Variants in LSAMP observed in about 807,000 individuals in gnomAD.
LSAMP encodes the protein limbic system associated membrane protein.
LSAMP carries 7 observed loss-of-function variants against 38.6 expected under a neutral mutation model. That is an observed-to-expected ratio of 0.18 (90% CI 0.10 to 0.34). The LOEUF is 0.34. Among genes scored for constraint, LSAMP ranks in the 10% least tolerant of loss-of-function variants. The probability of loss-of-function intolerance (pLI) is 1.00; values close to 1 mark genes in which losing one functional copy is unlikely to be tolerated. For missense variants in LSAMP, 313 were observed against 420.0 expected (o/e 0.75, Z 2.23); for synonymous variants, 154 against 166.8 (o/e 0.92, Z 0.59).
At chr3:116,000,287 A>G (rs1029804307) in intron 3 of LSAMP, among the ~76,000 whole-genome samples, 1 of 152,144 alleles carries the variant, frequency 6.6e-6, no homozygotes, top group Non-Finnish European at 1.5e-5. Context: ...AATCATCACA[A>G]CAACCTGACG....
rs1467152356 is a variant in LSAMP, at chr3:115,818,790, T to TTATATACATATATATATATA, written c.920-8377_920-8376insTATATATATATATGTATATA. Among the ~76,000 whole-genome samples the TTATATACATATATATATATA allele has an allele frequency of 2.0e-3, 140 of 69,774 alleles. 3 individuals are homozygous for TTATATACATATATATATATA. Among genetic ancestry groups the TTATATACATATATATATATA allele is most frequent in the African/African-American group, 6.0e-3 (137 of 22,892 alleles). The allele number at this position is 69,774 out of a possible 152,430, so 45.8% of individuals were successfully genotyped here. A position where few individuals can be genotyped will look rare whatever the true frequency, so the allele number is the denominator to read the frequency against. On this transcript the variant is annotated intron_variant, in intron 6 of 6. Coordinates refer to ENST00000490035, the MANE Select transcript of LSAMP (RefSeq NM_002338.5). ...ATAAGAAAGAAGGAAAGTTGTACTT[T>TTATATACATATATATATATA]TATATATATATATATATATATATAT...
intron 1 of LSAMP, among the ~76,000 whole-genome samples, chr3:116,307,820 T>A (rs968162708): frequency 6.6e-6 from 1 of 152,040 alleles, no homozygotes; most frequent in Non-Finnish European, 1.5e-5. Flanking sequence ...TACAGCATTA[T>A]AACCACTATG....
rs1366969871 is a variant in LSAMP, at chr3:116,138,141, G to A, written c.156-51585C>T. ...AGTTCTCAACTAATGAACAAGGACT[G>A]CACTTTGAACATCAAAGTTGTAAAG... On this transcript the variant is annotated intron_variant, in intron 1 of 6. Transcript: ENST00000490035. 2.0e-5 allele frequency among the ~76,000 whole-genome samples: 3 copies of A among 152,092 alleles called. No homozygotes were observed. The East Asian group carries it at 5.8e-4, about 29-fold the overall frequency.
At chr3:116,168,302 T>C (rs1710110565) in intron 1 of LSAMP, among the ~76,000 whole-genome samples, 1 of 152,134 alleles carries the variant, frequency 6.6e-6, no homozygotes. Flanking sequence ...CTCTGTGCCA[T>C]GGTGGGAGGC....
rs981159753 is a variant in LSAMP at position 115,802,705 on chromosome 3, A to G, written c.*7612T>C. The G allele has an allele frequency of 6.6e-6, 1 of 151,824 alleles. No individual in the cohort carries two copies. Among genetic ancestry groups the G allele is most frequent in the East Asian group, 1.9e-4 (1 of 5,190 alleles). 9.4% of individuals were successfully genotyped at this position (151,824 alleles called of 1,614,324 possible). A position where few individuals can be genotyped will look rare whatever the true frequency, so the allele number is the denominator to read the frequency against. On this transcript the variant is annotated 3_prime_UTR_variant, in exon 7 of 7. Transcript: ENST00000490035. ...TCAGTTCATGTCTACAGGGCTGAAA[A>G]AAGGAATATATTTATATATATATTT...
intron 3 of LSAMP, among the ~76,000 whole-genome samples, chr3:116,007,523 C>T (rs551753376): frequency 3.4e-4 from 52 of 152,210 alleles, no homozygotes; most frequent in Admixed American, 1.2e-3. Context: ...ATGTTAGACT[C>T]AAACATCATT....
intron 1 of LSAMP, among the ~76,000 whole-genome samples, chr3:116,380,936 G>A (rs2048550621): frequency 6.6e-6 from 1 of 151,978 alleles, no homozygotes; most frequent in African/African-American, 2.4e-5. Context: ...AAAATTAGAA[G>A]CTAAATCAAA....
intron 3 of LSAMP, among the ~76,000 whole-genome samples, chr3:115,926,965 C>A (rs1937510507): frequency 6.6e-6 from 1 of 152,146 alleles, no homozygotes; most frequent in African/African-American, 2.4e-5. Flanking sequence ...TTGTCTTATT[C>A]TTCGCTGCAT....
intron 3 of LSAMP, among the ~76,000 whole-genome samples, chr3:115,879,828 T>C (rs1429435386): frequency 6.6e-6 from 1 of 152,152 alleles, no homozygotes; most frequent in East Asian, 1.9e-4. Flanking sequence ...ACTACAAATA[T>C]AGCCTTCCTT....
chr3:116,352,225 G>A (rs1399189684), intron 1 of LSAMP, among the ~76,000 whole-genome samples: 1 of 152,016 alleles, frequency 6.6e-6, no homozygotes, highest in Non-Finnish European at 1.5e-5. Context: ...ATCACTCCAC[G>A]AATACCTGAT....
intron 3 of LSAMP, 131 bp downstream of exon 3, chr3:116,019,384 T>A (rs1940575317): frequency 8.8e-7 from 1 of 1,136,976 alleles, no homozygotes; most frequent in African/African-American, 1.6e-5. Flanking sequence ...GATAGATGCA[T>A]GACCTTCTGA....
chr3:116,313,567 C>T (rs1470157679), intron 1 of LSAMP, among the ~76,000 whole-genome samples: 1 of 152,212 alleles, frequency 6.6e-6, no homozygotes, highest in South Asian at 2.1e-4. Flanking sequence ...GACTGAGACA[C>T]GAAGTCATGT....
intron 3 of LSAMP, among the ~76,000 whole-genome samples, chr3:115,944,881 T>G (rs1938045230): frequency 6.6e-6 from 1 of 152,190 alleles, no homozygotes; most frequent in Non-Finnish European, 1.5e-5. Context: ...CACTGTGCAT[T>G]TGCTCAGTTT....
chr3:115,963,746 T>C (rs916557541), intron 3 of LSAMP, among the ~76,000 whole-genome samples: 1 of 152,204 alleles, frequency 6.6e-6, no homozygotes, highest in Admixed American at 6.5e-5. Flanking sequence ...ATCCATTCTT[T>C]AATGTTGGTT....
rs532180748 is a variant in LSAMP, at chr3:115,806,593, C to T, written c.*3724G>A. 5 of 152,072 alleles carry T rather than the reference C, an allele frequency of 3.3e-5. No homozygotes were observed. Among genetic ancestry groups the T allele is most frequent in the South Asian group, 4.1e-4 (2 of 4,824 alleles). 9.4% of individuals were successfully genotyped at this position (152,072 alleles called of 1,614,324 possible). A position where few individuals can be genotyped will look rare whatever the true frequency, so the allele number is the denominator to read the frequency against. On this transcript the variant is annotated 3_prime_UTR_variant, in exon 7 of 7. Coordinates refer to ENST00000490035, the MANE Select transcript of LSAMP (RefSeq NM_002338.5). ...AGATTTTTGTTTGGTCCTCCAAGAACGTGAAAATCACGAGTACTTTTACAA... is the reference window on the plus strand; with the variant it reads ...AGATTTTTGTTTGGTCCTCCAAGAATGTGAAAATCACGAGTACTTTTACAA...
chr3:116,367,674 G>C (rs1002012393), intron 1 of LSAMP, among the ~76,000 whole-genome samples: 5 of 151,186 alleles, frequency 3.3e-5, no homozygotes, highest in African/African-American at 9.7e-5. Flanking sequence ...CACCCAACTA[G>C]TTTTTTGTAT....
At chr3:116,117,696 G>A (rs941905334) in intron 1 of LSAMP, among the ~76,000 whole-genome samples, 3 of 152,052 alleles carry the variant, frequency 2.0e-5, no homozygotes, top group African/African-American at 7.2e-5. Flanking sequence ...TTTGTGGCAT[G>A]TCTATTTAAT....
intron 3 of LSAMP, among the ~76,000 whole-genome samples, chr3:115,981,696 T>C (rs2107627993): frequency 6.6e-6 from 1 of 152,304 alleles, no homozygotes; most frequent in African/African-American, 2.4e-5. Flanking sequence ...TGTGCTTTAG[T>C]CAATATTGTC....
chr3:115,949,228 C>T (rs1020020663), intron 3 of LSAMP, among the ~76,000 whole-genome samples: 1 of 152,098 alleles, frequency 6.6e-6, no homozygotes, highest in Admixed American at 6.6e-5. Context: ...CACTGCACTG[C>T]AGCTTGGGTA....
Sources: allele counts gnomAD v4.1 joint callset (sites outside exome capture counted in the v4.1 genomes callset), GRCh38; gene constraint gnomAD v4.1.1; transcripts MANE v1.5; gene names NCBI Gene and HGNC (gene_info 2026-07-23, HGNC 2026-07-21).